MTUS1: variants seen among roughly 807,000 people sequenced by gnomAD.
MTUS1 encodes microtubule associated scaffold protein 1.
MTUS1 carries 109 observed loss-of-function variants against 120.8 expected under a neutral mutation model. That is an observed-to-expected ratio of 0.90 (90% CI 0.77 to 1.06). The LOEUF is 1.06. Ranked by LOEUF, MTUS1 falls within the 50% of genes least tolerant of loss-of-function variation. The pLI, the probability that MTUS1 is intolerant of heterozygous loss-of-function variation, is 0.00. For synonymous variants in MTUS1, 737 were observed against 550.5 expected, an observed-to-expected ratio of 1.34 and a Z score of -4.74; for missense variants, 2,210 against 1,486.3, an observed-to-expected ratio of 1.49 and a Z score of -8.01.
intron 6 of MTUS1, among the ~76,000 whole-genome samples, chr8:17,699,588 T>C (rs1331731446): frequency 6.6e-6 from 1 of 152,208 alleles, no homozygotes; most frequent in Non-Finnish European, 1.5e-5. Context: ...CATCGATTAA[T>C]CAGATTCATT....
intron 13 of MTUS1, among the ~76,000 whole-genome samples, chr8:17,647,866 T>G (rs1212158698): frequency 6.6e-6 from 1 of 152,180 alleles, no homozygotes; most frequent in Non-Finnish European, 1.5e-5. Flanking sequence ...TCCGTCAGGA[T>G]TAAGTCTAAG....
At position 17,645,759 on chromosome 8, in the gene MTUS1, G is replaced by A. The variant is rs1805646893; in HGVS notation, c.*167C>T. The A allele has an allele frequency of 3.5e-6, 3 of 846,506 alleles. No homozygotes were observed. The African/African-American group carries it at 5.2e-5, about 15-fold the overall frequency. The allele number at this position is 846,506 out of a possible 1,614,324, so 52.4% of individuals were successfully genotyped here. A position where few individuals can be genotyped will look rare whatever the true frequency, so the allele number is the denominator to read the frequency against. On this transcript the variant is annotated 3_prime_UTR_variant, in exon 15 of 15. Coordinates refer to ENST00000693296, the MANE Select transcript of MTUS1 (RefSeq NM_001363059.2). Reference sequence around the variant, plus strand: ...GGACGGAGGCAAAAGTCTTCCTCCAGAGTTCCAGTCTCAGAAGCTGCGATT... The same window carrying A: ...GGACGGAGGCAAAAGTCTTCCTCCAAAGTTCCAGTCTCAGAAGCTGCGATT...
chr8:17,703,377 T>TG, intron 6 of MTUS1, among the ~76,000 whole-genome samples: 1 of 152,198 alleles, frequency 6.6e-6, no homozygotes, highest in African/African-American at 2.4e-5. Flanking sequence ...CTCACGCCTG[T>TG]GATCGCAGCA....
chr8:17,717,881 G>T (rs1202950091), intron 4 of MTUS1, among the ~76,000 whole-genome samples: 1 of 152,120 alleles, frequency 6.6e-6, no homozygotes, highest in Non-Finnish European at 1.5e-5. Context: ...CATGAAGTCA[G>T]AATTCATACT....
chr8:17,707,206 G>A (rs1820348047), intron 6 of MTUS1, among the ~76,000 whole-genome samples: 1 of 152,070 alleles, frequency 6.6e-6, no homozygotes, highest in Non-Finnish European at 1.5e-5. Flanking sequence ...TCACAGTAGG[G>A]AGAAATCTAG....
chr8:17,702,817 G>A (rs553978440), intron 6 of MTUS1, among the ~76,000 whole-genome samples: 1 of 152,272 alleles, frequency 6.6e-6, no homozygotes, highest in African/African-American at 2.4e-5. Context: ...ATGTGGCAAT[G>A]ACCATTGTTG....
At chr8:17,650,298 A>G (rs546943350) in intron 12 of MTUS1, among the ~76,000 whole-genome samples, 2 of 152,312 alleles carry the variant, frequency 1.3e-5, no homozygotes, top group Admixed American at 6.5e-5. Flanking sequence ...AGTTATTGGC[A>G]TTTTCTGGGA....
intron 6 of MTUS1, among the ~76,000 whole-genome samples, chr8:17,698,998 A>G (rs569782900): frequency 6.6e-6 from 1 of 152,276 alleles, no homozygotes; most frequent in East Asian, 1.9e-4. Context: ...GATTCTACAT[A>G]CTAAAAATAT....
intron 8 of MTUS1, among the ~76,000 whole-genome samples, chr8:17,674,247 C>T (rs796239659): frequency 1.3e-5 from 2 of 152,022 alleles, no homozygotes; most frequent in South Asian, 4.2e-4. Flanking sequence ...TGGCGAAACC[C>T]CATCTCTACT....
chr8:17,759,556 C>T (rs2048879207), intron 1 of MTUS1, among the ~76,000 whole-genome samples: 1 of 148,918 alleles, frequency 6.7e-6, no homozygotes, highest in South Asian at 2.1e-4. Context: ...AAAAAGGGGG[C>T]AGGATTCTTT....
At chr8:17,687,314 G>A (rs572153291) in intron 6 of MTUS1, among the ~76,000 whole-genome samples, 7 of 152,054 alleles carry the variant, frequency 4.6e-5, no homozygotes, top group African/African-American at 1.7e-4. Context: ...AGCACTCCTG[G>A]CTCAGCTGAA....
At chr8:17,731,800 C>G (rs1468458694) in intron 3 of MTUS1, among the ~76,000 whole-genome samples, 1 of 152,180 alleles carries the variant, frequency 6.6e-6, no homozygotes, top group Non-Finnish European at 1.5e-5. Flanking sequence ...GAGTTGATAA[C>G]TTTTATTATT....
intron 7 of MTUS1, among the ~76,000 whole-genome samples, chr8:17,677,978 A>G (rs918844698): frequency 1.3e-5 from 2 of 152,226 alleles, no homozygotes; most frequent in Non-Finnish European, 2.9e-5. Flanking sequence ...GGGCCTACCT[A>G]GAACTAGAAC....
intron 7 of MTUS1, among the ~76,000 whole-genome samples, chr8:17,679,934 C>G (rs1813993467): frequency 6.6e-6 from 1 of 152,206 alleles, no homozygotes; most frequent in African/African-American, 2.4e-5. Context: ...TCCATCCTCT[C>G]CGTTCATATG....
At chr8:17,714,121 C>T (rs1387991984) in intron 5 of MTUS1, among the ~76,000 whole-genome samples, 1 of 152,134 alleles carries the variant, frequency 6.6e-6, no homozygotes. Flanking sequence ...CCACAGTTTT[C>T]CAACCTGATG....
At chr8:17,667,500 G>C (rs1157680441) in intron 8 of MTUS1, among the ~76,000 whole-genome samples, 1 of 152,326 alleles carries the variant, frequency 6.6e-6, no homozygotes, top group African/African-American at 2.4e-5. Context: ...GAAGTTCATA[G>C]ACACTGGGTT....
chr8:17,750,124 C>T (rs757718946), intron 2 of MTUS1, among the ~76,000 whole-genome samples: 7 of 152,116 alleles, frequency 4.6e-5, no homozygotes, highest in African/African-American at 1.2e-4. Flanking sequence ...TGTTAATTTC[C>T]GATAGATACA....
At chr8:17,799,014 A>T (rs538707639) in intron 1 of MTUS1, among the ~76,000 whole-genome samples, 964 of 80,552 alleles carry the variant, frequency 0.012, 12 homozygotes, top group African/African-American at 0.039. Flanking sequence ...AAACCTGGGA[A>T]GAATTTTTTT....
At chr8:17,797,717 C>T (rs1416512814) in intron 1 of MTUS1, among the ~76,000 whole-genome samples, 1 of 152,162 alleles carries the variant, frequency 6.6e-6, no homozygotes, top group Non-Finnish European at 1.5e-5. Flanking sequence ...TTTTTAAGTG[C>T]CCCTAAGCAC....
Sources: gnomAD v4.1 joint callset for allele counts (sites outside exome capture counted in the v4.1 genomes callset) on GRCh38, gnomAD v4.1.1 for gene constraint, MANE v1.5 for transcripts, NCBI Gene and HGNC (gene_info 2026-07-23, HGNC 2026-07-21) for gene names.